The following HFM1 variants were observed in gnomAD, a reference collection of about 807,000 sequenced individuals.
The protein encoded by HFM1 is helicase for meiosis 1.
In HFM1, 169 loss-of-function variants were observed where a neutral mutation model predicts 192.1. That is an observed-to-expected ratio of 0.88 (90% CI 0.78 to 1.00). HFM1 has a LOEUF of 1.00. Ranked by LOEUF, HFM1 falls within the 50% of genes least tolerant of loss-of-function variation. The pLI is 0.00. For missense variants in HFM1, 1,661 were observed against 1,668.0 expected, an observed-to-expected ratio of 1.00 and a Z score of 0.07; for synonymous variants, 525 against 537.8, an observed-to-expected ratio of 0.98 and a Z score of 0.33.
Position 91,314,069 on chromosome 1 carries a change from T to C in HFM1, c.3141-9A>G, listed in dbSNP as rs367880671. On this transcript the variant is annotated splice_polypyrimidine_tract_variant and intron_variant, in intron 28 of 38. Coordinates refer to ENST00000370425, the MANE Select transcript of HFM1 (RefSeq NM_001017975.6). ...TTAGCAAAACAGAATCCCTGAAAAA[T>C]AGTATAGTTTAAATAGTGATCCAAA... is the stretch of plus-strand genomic sequence containing the variant. The C allele has an allele frequency of 1.8e-5, 28 of 1,535,924 alleles. No individual in the cohort carries two copies. The East Asian group carries it at 4.5e-4, about 25-fold the overall frequency.
At chr1:91,407,403 T>G (rs1664849527), upstream of HFM1, among the ~76,000 whole-genome samples, 2 of 152,174 alleles carry the variant, frequency 1.3e-5, no homozygotes, top group Admixed American at 6.5e-5. Flanking sequence ...CTCCTTCTTT[T>G]CCCCTTTCCC....
At chr1:91,390,458 A>AAAGGAAGGAAGG (rs200104115) in intron 4 of HFM1, among the ~76,000 whole-genome samples, 2 of 151,002 alleles carry the variant, frequency 1.3e-5, no homozygotes, top group African/African-American at 2.4e-5. Context: ...AGAGAGAAAG[A>AAAGGAAGGAAGG]AAGGAAGGAA....
chr1:91,315,789 T>A (rs772548244), intron 28 of HFM1, 26 bp downstream of exon 28: 6 of 1,561,516 alleles, frequency 3.8e-6, no homozygotes, highest in African/African-American at 1.4e-5. Flanking sequence ...AGAAATAAGA[T>A]CAAACATCAG....
intron 25 of HFM1, among the ~76,000 whole-genome samples, chr1:91,318,008 G>C (rs1651509359): frequency 6.6e-6 from 1 of 152,018 alleles, no homozygotes; most frequent in Non-Finnish European, 1.5e-5. Flanking sequence ...ACTCTAGAAA[G>C]CCAGAAAGAT....
At chr1:91,352,982 C>T (rs1657154200) in intron 15 of HFM1, 69 bp downstream of exon 15, 3 of 1,008,696 alleles carry the variant, frequency 3.0e-6, no homozygotes, top group Admixed American at 2.3e-5. Context: ...TGCGCTTTTT[C>T]CTTTTTTCCT....
intron 23 of HFM1, among the ~76,000 whole-genome samples, chr1:91,321,488 C>A (rs557142699): frequency 6.6e-6 from 1 of 151,762 alleles, no homozygotes; most frequent in African/African-American, 2.4e-5. Context: ...AGGGAAGAAA[C>A]CAGAAACTTG....
chr1:91,359,701 A>G (rs538586846), intron 13 of HFM1, among the ~76,000 whole-genome samples: 10 of 152,308 alleles, frequency 6.6e-5, no homozygotes, highest in Admixed American at 6.5e-4. Context: ...ACATACTTCA[A>G]GAGAACTTCC....
intron 1 of HFM1, among the ~76,000 whole-genome samples, chr1:91,402,468 A>G (rs1040330455): frequency 6.6e-6 from 1 of 152,194 alleles, no homozygotes; most frequent in African/African-American, 2.4e-5. Context: ...AACAAGTAGT[A>G]AAAATGAAAC....
intron 26 of HFM1, 32 bp from the exon 27 acceptor site, chr1:91,316,216 A>G (rs972499626): frequency 1.1e-5 from 14 of 1,282,586 alleles, no homozygotes; most frequent in Non-Finnish European, 1.4e-5. Flanking sequence ...TATTCTTACC[A>G]CAACACTTGA....
chr1:91,394,083 TA>T lies in HFM1; in HGVS notation c.494+9del. ...CACAGAATATTATTTAGTTTAATTA[TA>T]ATAATTACCTTTTCCGGAATACTGA... On this transcript the variant is annotated intron_variant, in intron 4 of 38. Coordinates refer to ENST00000370425, the MANE Select transcript of HFM1 (RefSeq NM_001017975.6). The T allele has an allele frequency of 7.2e-7, 1 of 1,383,024 alleles. No individual in the cohort carries two copies. The highest frequency in any genetic ancestry group is 1.0e-6 in the Non-Finnish European group (1 of 1,004,596). 85.7% of individuals were successfully genotyped at this position (1,383,024 alleles called of 1,614,324 possible).
chr1:91,276,377 T>TG (rs1666807514), intron 32 of HFM1, among the ~76,000 whole-genome samples: 1 of 152,202 alleles, frequency 6.6e-6, no homozygotes, highest in African/African-American at 2.4e-5. Flanking sequence ...AAGACTGTCT[T>TG]AATCGTCACT....
rs191084001 is a variant in HFM1 at position 91,389,230 on chromosome 1, C to T, written c.495-3396G>A. Among the ~76,000 whole-genome samples the T allele has an allele frequency of 5.0e-3, 733 of 148,022 alleles. 12 individuals are homozygous for T. Among genetic ancestry groups the T allele is most frequent in the African/African-American group, 0.017 (671 of 40,064 alleles). On this transcript the variant is annotated intron_variant, in intron 4 of 38. Transcript: ENST00000370425. The stretch of plus-strand genomic sequence containing the variant: ...AGGCTGGAGTGCAGTGGTGTGATCT[C>T]GGCTCACTGCAAGCTCCGCCTCCCG...
intron 20 of HFM1, among the ~76,000 whole-genome samples, chr1:91,343,103 C>T (rs1050959787): frequency 1.3e-5 from 2 of 151,604 alleles, no homozygotes; most frequent in African/African-American, 4.8e-5. Context: ...TGGTGGCAGG[C>T]GCCTGTAGTC....
intron 7 of HFM1, 112 bp downstream of exon 7, chr1:91,380,800 C>T: frequency 1.5e-6 from 1 of 661,338 alleles, no homozygotes. Context: ...ATGTGCTAGA[C>T]ATGGAGTGTG....
intron 23 of HFM1, among the ~76,000 whole-genome samples, chr1:91,319,841 C>T (rs1289848432): frequency 6.6e-6 from 1 of 152,160 alleles, no homozygotes; most frequent in Non-Finnish European, 1.5e-5. Context: ...TTAATCAACA[C>T]ATTTTTATTA....
At chr1:91,278,577 AT>A (rs1667171051) in intron 30 of HFM1, among the ~76,000 whole-genome samples, 1 of 152,076 alleles carries the variant, frequency 6.6e-6, no homozygotes, top group South Asian at 2.1e-4. Context: ...ACTTTACAAC[AT>A]TTCTTGGTAC....
At position 91,302,788 on chromosome 1, in the gene HFM1, G is replaced by T. The variant is rs529171427; in HGVS notation, c.3391+10561C>A. On this transcript the variant is annotated intron_variant, in intron 30 of 38. Coordinates refer to ENST00000370425, the MANE Select transcript of HFM1 (RefSeq NM_001017975.6). ...CACACTCTGGGGCCTGTTGTGGGGTGGGGGGGAGGGGGAAGGGATAGCATT... is the reference window on the plus strand; with the variant it reads ...CACACTCTGGGGCCTGTTGTGGGGTTGGGGGGAGGGGGAAGGGATAGCATT... Among the ~76,000 whole-genome samples the T allele has an allele frequency of 8.0e-5, 12 of 150,828 alleles. 1 individual carries two copies. The South Asian group carries it at 1.1e-3, about 13-fold the overall frequency.
intron 19 of HFM1, among the ~76,000 whole-genome samples, chr1:91,347,194 C>G (rs1181470713): frequency 6.6e-6 from 1 of 151,946 alleles, no homozygotes; most frequent in Non-Finnish European, 1.5e-5. Context: ...ACCAAATAAA[C>G]CAAGTTAACA....
At chr1:91,368,247 C>T (rs979585556) in intron 13 of HFM1, among the ~76,000 whole-genome samples, 20 of 152,030 alleles carry the variant, frequency 1.3e-4, no homozygotes, top group South Asian at 2.1e-4. Context: ...ATACAGAGAA[C>T]GCCACAAAGA....
Sources: allele counts gnomAD v4.1 joint callset (sites outside exome capture counted in the v4.1 genomes callset), GRCh38; gene constraint gnomAD v4.1.1; transcripts MANE v1.5; gene names NCBI Gene and HGNC (gene_info 2026-07-23, HGNC 2026-07-21).